GLT1D1: variants seen among roughly 807,000 people sequenced by gnomAD.
The protein encoded by GLT1D1 is glycosyltransferase 1 domain containing 1.
GLT1D1 carries 21 observed loss-of-function variants against 28.7 expected under a neutral mutation model. The observed-to-expected ratio is 0.73, with a 90% CI of 0.52 to 1.05. The LOEUF is 1.05. GLT1D1 is among the 50% of genes least tolerant of loss of function. The pLI is 0.00. For missense variants in GLT1D1, 343 were observed against 330.6 expected, an observed-to-expected ratio of 1.04 and a Z score of -0.29; for synonymous variants, 147 against 124.8, an observed-to-expected ratio of 1.18 and a Z score of -1.19.
chr12:128,855,237 A>AC (rs1593035440), intron 1 of GLT1D1, among the ~76,000 whole-genome samples: 3 of 147,828 alleles, frequency 2.0e-5, no homozygotes, highest in Admixed American at 6.8e-5. Flanking sequence ...AAAAAAAAAA[A>AC]AAAAAACAAC....
At chr12:128,874,061 T>TCCC (rs1956776135) in intron 1 of GLT1D1, among the ~76,000 whole-genome samples, 1 of 30,102 alleles carries the variant, frequency 3.3e-5, no homozygotes, top group African/African-American at 2.1e-4. Context: ...CCCTCCCTCC[T>TCCC]TTCTTTCTTT....
intron 4 of GLT1D1, among the ~76,000 whole-genome samples, 198 bp downstream of exon 5, chr12:128,912,658 G>C (rs1336486416): frequency 6.6e-6 from 1 of 151,904 alleles, no homozygotes; most frequent in Admixed American, 6.6e-5. Flanking sequence ...TCAGTGAAAT[G>C]GCTACTTTTT....
At chr12:128,881,550 AAAAAAAAAAAAAT>A (rs1957048883) in intron 2 of GLT1D1, among the ~76,000 whole-genome samples, 2 of 73,526 alleles carry the variant, frequency 2.7e-5, no homozygotes, top group African/African-American at 5.7e-5. Context: ...AAAAAAAAAA[AAAAAAAAAAAAAT>A]ATATATATAT....
intron 1 of GLT1D1, among the ~76,000 whole-genome samples, chr12:128,865,604 C>T (rs1340834633): frequency 6.6e-6 from 1 of 152,186 alleles, no homozygotes; most frequent in Non-Finnish European, 1.5e-5. Context: ...GGGCAGATCA[C>T]CTGAGGTCAG....
At chr12:128,964,065 C>A (rs147248774) in intron 7 of GLT1D1, among the ~76,000 whole-genome samples, 1 of 152,152 alleles carries the variant, frequency 6.6e-6, no homozygotes, top group Non-Finnish European at 1.5e-5. Context: ...GGTGGAAGGG[C>A]CGAGACAGCT....
intron 6 of GLT1D1, among the ~76,000 whole-genome samples, chr12:128,952,443 G>A (rs1383449685): frequency 2.6e-5 from 3 of 117,320 alleles, no homozygotes; most frequent in African/African-American, 1.0e-4. Context: ...GTGGGGGGGG[G>A]TGGGGCTGAA....
At chr12:128,905,694 T>C (rs779687919) in intron 4 of GLT1D1, among the ~76,000 whole-genome samples, 4 of 152,204 alleles carry the variant, frequency 2.6e-5, no homozygotes, top group Non-Finnish European at 4.4e-5. Context: ...CTTTGTAAAA[T>C]ATACAATCCT....
At chr12:128,977,409 TG>T (rs1879868006) in intron 7 of GLT1D1, among the ~76,000 whole-genome samples, 1 of 152,168 alleles carries the variant, frequency 6.6e-6, no homozygotes, top group African/African-American at 2.4e-5. Flanking sequence ...TTGGCACACC[TG>T]TGGCCCTGGA....
chr12:128,972,270 G>A lies in GLT1D1; in HGVS notation c.640-10659G>A, dbSNP rs781357637. Among the ~76,000 whole-genome samples, 16 of 152,254 alleles carry A rather than the reference G, an allele frequency of 1.1e-4. No individual in the cohort carries two copies. The East Asian group carries it at 1.2e-3, about 11-fold the overall frequency. On this transcript the variant is annotated intron_variant, in intron 7 of 7. Coordinates refer to ENST00000281703, the MANE Select transcript of GLT1D1 (RefSeq NM_144669.3). Reference sequence around the variant, plus strand: ...TTTGGTCTGTGACCACCGCCCATGCGGTCACTCAGAGCCCAGGCTCCTTCC... The same window carrying A: ...TTTGGTCTGTGACCACCGCCCATGCAGTCACTCAGAGCCCAGGCTCCTTCC...
At chr12:128,868,984 C>T (rs979599975) in intron 1 of GLT1D1, among the ~76,000 whole-genome samples, 6 of 152,194 alleles carry the variant, frequency 3.9e-5, no homozygotes, top group Non-Finnish European at 7.3e-5. Flanking sequence ...ATTCTCCTGC[C>T]TCAGCCTCCC....
chr12:128,897,822 C>G (rs1360560397), intron 3 of GLT1D1, among the ~76,000 whole-genome samples: 2 of 152,068 alleles, frequency 1.3e-5, no homozygotes, highest in Non-Finnish European at 2.9e-5. Context: ...GCGCCCGCCA[C>G]CATGCCCGGC....
chr12:128,979,057 TAGCCTCCTGGGAATGC>T (rs1880072192), intron 7 of GLT1D1, among the ~76,000 whole-genome samples: 1 of 152,204 alleles, frequency 6.6e-6, no homozygotes, highest in African/African-American at 2.4e-5. Flanking sequence ...TAGAATGCCT[TAGCCTCCTGGGAATGC>T]AGCCCAGCAG....
chr12:128,954,188 A>G (rs1245455024), intron 6 of GLT1D1, among the ~76,000 whole-genome samples: 1 of 148,666 alleles, frequency 6.7e-6, no homozygotes, highest in Non-Finnish European at 1.5e-5. Flanking sequence ...CAATGGCGCG[A>G]TCTCGGCTCA....
At position 128,944,712 on chromosome 12, in the gene GLT1D1, A is replaced by G. The variant is rs750192761; in HGVS notation, c.376-614A>G. 21 of 643,094 alleles carry G rather than the reference A, an allele frequency of 3.3e-5. No individual in the cohort carries two copies. The African/African-American group carries it at 3.4e-4, about 10-fold the overall frequency. The allele number at this position is 643,094 out of a possible 1,614,324, so 39.8% of individuals were successfully genotyped here. The stretch of plus-strand genomic sequence containing the variant: ...ACAGCTAGACTGGGTGAGATTTTGC[A>G]GTTCCTGAAGGGCCACGCCAAGATG... On this transcript the variant is annotated intron_variant, in intron 4 of 7. Coordinates refer to ENST00000281703, the MANE Select transcript of GLT1D1 (RefSeq NM_144669.3).
chr12:128,866,873 G>A (rs189190316), intron 1 of GLT1D1, among the ~76,000 whole-genome samples: 44 of 150,602 alleles, frequency 2.9e-4, no homozygotes, highest in African/African-American at 9.7e-4. Context: ...CACCCAATTC[G>A]GCCTCCCAAA....
intron 7 of GLT1D1, among the ~76,000 whole-genome samples, chr12:128,978,738 G>C (rs964987538): frequency 1.3e-5 from 2 of 152,136 alleles, no homozygotes; most frequent in Non-Finnish European, 2.9e-5. Context: ...TGGCTACTCC[G>C]TAGACAGAGC....
intron 2 of GLT1D1, among the ~76,000 whole-genome samples, chr12:128,884,906 T>A (rs1029128248): frequency 2.6e-5 from 4 of 151,628 alleles, no homozygotes; most frequent in African/African-American, 7.3e-5. Context: ...ATACATATAT[T>A]AATTAGCTTG....
chr12:128,900,156 A>G (rs1264123420), intron 4 of GLT1D1, among the ~76,000 whole-genome samples: 1 of 152,196 alleles, frequency 6.6e-6, no homozygotes, highest in African/African-American at 2.4e-5. Flanking sequence ...CTAAAGAAAA[A>G]AACCAAAGGT....
intron 1 of GLT1D1, among the ~76,000 whole-genome samples, chr12:128,874,956 A>T (rs1250673103): frequency 6.6e-6 from 1 of 151,824 alleles, no homozygotes; most frequent in Admixed American, 6.6e-5. Context: ...TATTGAAAAA[A>T]TTTCTTTTTT....
Sources: gnomAD v4.1 joint callset for allele counts (sites outside exome capture counted in the v4.1 genomes callset) on GRCh38, gnomAD v4.1.1 for gene constraint, MANE v1.5 for transcripts, NCBI Gene and HGNC (gene_info 2026-07-23, HGNC 2026-07-21) for gene names.